ADAM22: variants seen among roughly 807,000 people sequenced by gnomAD.
ADAM22 encodes the protein ADAM metallopeptidase domain 22, also known as disintegrin and metalloproteinase domain-containing protein 22.
A neutral mutation model predicts 144.6 loss-of-function variants in ADAM22; 65 were observed. That is an observed-to-expected ratio of 0.45 (90% CI 0.37 to 0.55). The LOEUF is 0.55. Ranked by LOEUF, ADAM22 falls within the 20% of genes least tolerant of loss-of-function variation. The pLI is 0.00. For synonymous variants in ADAM22, 391 were observed against 412.6 expected (o/e 0.95, Z 0.63); for missense variants, 974 against 1,184.9 (o/e 0.82, Z 2.61).
chr7:88,128,735 A>G, intron 9 of ADAM22, 59 bp downstream of exon 9: 2 of 1,363,456 alleles, frequency 1.5e-6, no homozygotes, highest in Non-Finnish European at 2.1e-6. Context: ...GGTGAGTGCA[A>G]AAATATGTTT....
intron 27 of ADAM22, 22 bp from the exon 28 acceptor site, chr7:88,181,483 T>G: frequency 6.2e-7 from 1 of 1,600,998 alleles, no homozygotes; most frequent in South Asian, 1.1e-5. Flanking sequence ...TTTGAACAAT[T>G]TATCAATATT....
At chr7:87,952,430 A>G (rs1463205229) in intron 2 of ADAM22, among the ~76,000 whole-genome samples, 1 of 152,174 alleles carries the variant, frequency 6.6e-6, no homozygotes, top group African/African-American at 2.4e-5. Context: ...TTCTGTTTAT[A>G]TGCTGGATTG....
chr7:88,116,893 T>G lies in ADAM22; in HGVS notation c.607+79T>G. The G allele has an allele frequency of 2.8e-6, 3 of 1,081,158 alleles. No individual in the cohort carries two copies. The South Asian group carries it at 4.2e-5, about 15-fold the overall frequency. 67.0% of individuals were successfully genotyped at this position (1,081,158 alleles called of 1,614,324 possible). ...TTAATGCCTTAGAACTAATCTATAT[T>G]TGGAATATCATTAGCCCACATCTGC... On this transcript the variant is annotated intron_variant, in intron 7 of 31. Coordinates refer to ENST00000413139, the MANE Select transcript of ADAM22 (RefSeq NM_001324418.2).
At chr7:87,934,658 AGATT>A in intron 1 of ADAM22, 108 bp downstream of exon 1, 1 of 733,486 alleles carries the variant, frequency 1.4e-6, no homozygotes, top group Non-Finnish European at 1.9e-6. Flanking sequence ...GTGCGCGGGG[AGATT>A]TTTTTTTTTT....
chr7:87,946,483 T>C (rs1003791056), intron 2 of ADAM22, among the ~76,000 whole-genome samples: 3 of 152,238 alleles, frequency 2.0e-5, no homozygotes, highest in African/African-American at 7.2e-5. Flanking sequence ...CTAGGTATTC[T>C]TCTAAGATTC....
intron 3 of ADAM22, among the ~76,000 whole-genome samples, chr7:88,027,030 A>G (rs1230016622): frequency 6.6e-6 from 1 of 152,184 alleles, no homozygotes; most frequent in Admixed American, 6.5e-5. Context: ...GATGCATCAC[A>G]TTGATTGATT....
chr7:88,056,882 G>A (rs1010095626), intron 3 of ADAM22, among the ~76,000 whole-genome samples: 1 of 152,156 alleles, frequency 6.6e-6, no homozygotes, highest in African/African-American at 2.4e-5. Flanking sequence ...ATCGTGTCAA[G>A]GTCTTGATTT....
intron 3 of ADAM22, among the ~76,000 whole-genome samples, chr7:88,049,102 G>T (rs1805477462): frequency 6.6e-6 from 1 of 152,078 alleles, no homozygotes; most frequent in African/African-American, 2.4e-5. Context: ...GTGAAGTAAG[G>T]CTCCATCTTT....
At chr7:88,158,199 C>T (rs1373359059) in intron 22 of ADAM22, among the ~76,000 whole-genome samples, 1 of 152,088 alleles carries the variant, frequency 6.6e-6, no homozygotes, top group African/African-American at 2.4e-5. Context: ...ACAAGAAGAG[C>T]TAACTACCCT....
At chr7:88,196,438 C>T in intron 31 of ADAM22, 33 bp from the exon 32 acceptor site, 2 of 1,613,534 alleles carry the variant, frequency 1.2e-6, no homozygotes, top group Non-Finnish European at 1.7e-6. Context: ...CCTGCTTTCA[C>T]AATGTGCAAT....
intron 31 of ADAM22, 43 bp downstream of exon 31, chr7:88,193,282 A>G (rs1850005737): frequency 6.3e-7 from 1 of 1,598,512 alleles, no homozygotes; most frequent in South Asian, 1.1e-5. Flanking sequence ...CTCAGTCATT[A>G]TCATTTATCT....
At chr7:88,047,345 A>G (rs1585235200) in intron 3 of ADAM22, among the ~76,000 whole-genome samples, 1 of 152,262 alleles carries the variant, frequency 6.6e-6, no homozygotes, top group Middle Eastern at 3.4e-3. Context: ...AACCATGGAC[A>G]TTTAATCTAT....
At chr7:87,949,708 A>G (rs1488492901) in intron 2 of ADAM22, among the ~76,000 whole-genome samples, 1 of 151,128 alleles carries the variant, frequency 6.6e-6, no homozygotes, top group South Asian at 2.1e-4. Flanking sequence ...TTTTTTTCCT[A>G]TAGCTAAGCC....
At chr7:88,076,983 A>T (rs1814706710) in intron 4 of ADAM22, among the ~76,000 whole-genome samples, 1 of 152,184 alleles carries the variant, frequency 6.6e-6, no homozygotes, top group African/African-American at 2.4e-5. Flanking sequence ...TAAACTCATC[A>T]CTGAGAGATA....
At chr7:87,949,581 A>G (rs1305843546) in intron 2 of ADAM22, among the ~76,000 whole-genome samples, 8 of 152,158 alleles carry the variant, frequency 5.3e-5, no homozygotes, top group African/African-American at 1.4e-4. Context: ...AGTGACATCT[A>G]CTATTTCTGA....
intron 25 of ADAM22, 29 bp downstream of exon 25, chr7:88,168,256 A>G (rs1205184514): frequency 1.3e-6 from 2 of 1,577,126 alleles, no homozygotes; most frequent in Non-Finnish European, 1.7e-6. Flanking sequence ...TCTTGTTACT[A>G]TTGAAATATA....
At chr7:88,074,623 G>A (rs981491155) in intron 3 of ADAM22, among the ~76,000 whole-genome samples, 1 of 152,190 alleles carries the variant, frequency 6.6e-6, no homozygotes, top group African/African-American at 2.4e-5. Flanking sequence ...AAGTCAGTAA[G>A]AACATCTATT....
At chr7:88,151,137 C>T (rs1838228104) in intron 19 of ADAM22, 106 bp downstream of exon 19, 2 of 1,519,940 alleles carry the variant, frequency 1.3e-6, no homozygotes, top group African/African-American at 2.8e-5. Flanking sequence ...GTAATCAATT[C>T]TGAAGATAAA....
At chr7:88,066,326 G>A (rs1365208797) in intron 3 of ADAM22, among the ~76,000 whole-genome samples, 1 of 152,066 alleles carries the variant, frequency 6.6e-6, no homozygotes, top group East Asian at 1.9e-4. Context: ...TTCCATATAT[G>A]ATTTGTAAGA....
Sources: gnomAD v4.1 joint callset for allele counts (sites outside exome capture counted in the v4.1 genomes callset) on GRCh38, gnomAD v4.1.1 for gene constraint, MANE v1.5 for transcripts, NCBI Gene and HGNC (gene_info 2026-07-23, HGNC 2026-07-21) for gene names.